CHRNA3: variants seen among roughly 807,000 people sequenced by gnomAD.
The protein encoded by CHRNA3 is cholinergic receptor nicotinic alpha 3 subunit.
CHRNA3 carries 34 observed loss-of-function variants against 41.9 expected under a neutral mutation model. The observed-to-expected ratio is 0.81, with a 90% confidence interval of 0.62 to 1.08. The LOEUF (loss-of-function observed/expected upper bound fraction) is 1.08. Among genes scored for constraint, CHRNA3 ranks in the 50% least tolerant of loss-of-function variants. The pLI is 0.00. For missense variants in CHRNA3, 542 were observed against 638.3 expected (o/e 0.85, Z 1.63); for synonymous variants, 281 against 265.2 (o/e 1.06, Z -0.58).
chr15:78,593,061 A>G, downstream of CHRNA3: 2 of 1,594,116 alleles, frequency 1.3e-6, no homozygotes, highest in Non-Finnish European at 1.7e-6. Flanking sequence ...ATTTACAATT[A>G]TTTAATGCAT....
At position 78,596,153 on chromosome 15, in the gene CHRNA3, A is replaced by G; in HGVS notation, c.*451T>C. ...AGTAAAGAACGAGAAATGCATGGTA[A>G]GAAATGGGTAACGATGGGGGATTGC... On this transcript the variant is annotated 3_prime_UTR_variant, in exon 6 of 6. Coordinates refer to ENST00000326828, the MANE Select transcript of CHRNA3 (RefSeq NM_000743.5). 1 of 985,704 alleles carries G rather than the reference A, an allele frequency of 1.0e-6. No individual in the cohort carries two copies. Among genetic ancestry groups the G allele is most frequent in the South Asian group, 4.7e-5 (1 of 21,296 alleles). The allele number at this position is 985,704 out of a possible 1,614,324, so 61.1% of individuals were successfully genotyped here.
intron 5 of CHRNA3, among the ~76,000 whole-genome samples, chr15:78,598,346 C>T (rs945340993): frequency 6.6e-6 from 1 of 151,682 alleles, no homozygotes; most frequent in African/African-American, 2.4e-5. Flanking sequence ...GGGTTTTATA[C>T]ATGAATAGAA....
chr15:78,596,199 A>G lies in CHRNA3; in HGVS notation c.*405T>C. ...ATTGCTGAATTAGTATAAACCTTCA[A>G]AGAGATTATGGGCTAAATAAGAAAA... On this transcript the variant is annotated 3_prime_UTR_variant, in exon 6 of 6. Transcript: ENST00000326828. 1.0e-6 allele frequency: 1 copy of G among 986,894 alleles called. No homozygotes were observed. Among genetic ancestry groups the G allele is most frequent in the African/African-American group, 1.7e-5 (1 of 57,394 alleles). The allele number at this position is 986,894 out of a possible 1,614,324, so 61.1% of individuals were successfully genotyped here.
intron 4 of CHRNA3, among the ~76,000 whole-genome samples, chr15:78,607,271 T>C (rs2053305637): frequency 6.6e-6 from 1 of 152,000 alleles, no homozygotes; most frequent in Non-Finnish European, 1.5e-5. Context: ...CCAAGAATTT[T>C]ACACCCAGCC....
chr15:78,607,333 C>T (rs1482894623), intron 4 of CHRNA3: 3 of 152,082 alleles, frequency 2.0e-5, no homozygotes, highest in African/African-American at 7.2e-5. Context: ...ATGAACTTGC[C>T]AGAACACAGA....
At position 78,596,007 on chromosome 15, in the gene CHRNA3, G is replaced by A. The variant is rs8029939; in HGVS notation, c.*597C>T. 8.3e-3 allele frequency: 7,861 copies of A among 944,248 alleles called. 484 individuals are homozygous for A. The African/African-American group carries it at 0.13, about 15-fold the overall frequency. The allele number at this position is 944,248 out of a possible 1,614,324, so 58.5% of individuals were successfully genotyped here. The stretch of plus-strand genomic sequence containing the variant: ...TTGTTTATAATCCACCCAGTTTATG[G>A]TGTACTAAGACAGTTATATTAACAA... On this transcript the variant is annotated 3_prime_UTR_variant, in exon 6 of 6. Transcript: ENST00000326828.
At chr15:78,613,854 G>A (rs1211539456) in intron 4 of CHRNA3, among the ~76,000 whole-genome samples, 1 of 151,916 alleles carries the variant, frequency 6.6e-6, no homozygotes, top group East Asian at 1.9e-4. Flanking sequence ...GCTGAGGTAG[G>A]AGAATGGCGT....
chr15:78,599,926 T>C (rs1018926647), intron 5 of CHRNA3: 1 of 143,676 alleles, frequency 7.0e-6, no homozygotes, highest in Non-Finnish European at 1.5e-5. Flanking sequence ...CTGAGGCATG[T>C]GAATCACTTG....
intron 4 of CHRNA3, among the ~76,000 whole-genome samples, chr15:78,616,170 T>G (rs867096704): frequency 6.6e-6 from 1 of 151,518 alleles, no homozygotes; most frequent in African/African-American, 2.4e-5. Flanking sequence ...CTGGCCAACA[T>G]GGCAAAACCC....
At chr15:78,620,635 C>T (rs1469408148) in intron 1 of CHRNA3, 78 bp downstream of exon 1, 1 of 1,452,370 alleles carries the variant, frequency 6.9e-7, no homozygotes, top group Non-Finnish European at 9.0e-7. Context: ...GCGCGGTGTT[C>T]TCGCCGGCAG....
chr15:78,595,596 A>G lies in CHRNA3; in HGVS notation c.*1008T>C, dbSNP rs201030512. 6.4e-6 allele frequency: 1 copy of G among 157,400 alleles called. No homozygotes were observed. Among genetic ancestry groups the G allele is most frequent in the Non-Finnish European group, 1.4e-5 (1 of 72,832 alleles). 9.8% of individuals were successfully genotyped at this position (157,400 alleles called of 1,614,324 possible). A position where few individuals can be genotyped will look rare whatever the true frequency, so the allele number is the denominator to read the frequency against. On this transcript the variant is annotated 3_prime_UTR_variant, in exon 6 of 6. Transcript: ENST00000326828. ...CTAGGGTACTGCTAAAGATCCTACA[A>G]TGCACAGGATACCCCCATTCTGTAC...
At chr15:78,618,101 G>A (rs1269399960) in intron 3 of CHRNA3, among the ~76,000 whole-genome samples, 1 of 152,156 alleles carries the variant, frequency 6.6e-6, no homozygotes, top group Non-Finnish European at 1.5e-5. Context: ...CCAAAAATTA[G>A]CCAGACGTGG....
chr15:78,618,987 A>G, intron 1 of CHRNA3, 72 bp from the exon 2 acceptor site: 1 of 1,532,358 alleles, frequency 6.5e-7, no homozygotes, highest in Non-Finnish European at 8.9e-7. Context: ...CAGCAGAAAC[A>G]TCACCCATCT....
Position 78,601,585 on chromosome 15 carries a change from C to A in CHRNA3, c.1057G>T (p.Val353Phe). ...KTVFLNLLPR[V>F]MFMTRPTSNE... ...CTTGTTGGCCTGGTCATGAACATGA[C>A]CCTGGGGAGCAGGTTCAAGAATACA... Residue 353 changes from valine (V) to phenylalanine (F), a missense_variant, in exon 5 of 6, where the codon GTC (valine) becomes TTC (phenylalanine). Val to Phe is a conservative substitution (Grantham distance 50). Transcript: ENST00000326828. 1 of 1,614,144 alleles carries A rather than the reference C, an allele frequency of 6.2e-7. No individual in the cohort carries two copies. Among genetic ancestry groups the A allele is most frequent in the Non-Finnish European group, 8.5e-7 (1 of 1,180,048 alleles).
At chr15:78,603,172 G>A (rs912985407) in intron 4 of CHRNA3, among the ~76,000 whole-genome samples, 9 of 152,092 alleles carry the variant, frequency 5.9e-5, no homozygotes, top group Admixed American at 2.6e-4. Context: ...TACCACAAAC[G>A]CTCAGCTACT....
Position 78,596,502 on chromosome 15 carries a change from C to A in CHRNA3, c.*102G>T. The A allele has an allele frequency of 7.5e-7, 1 of 1,325,918 alleles. No individual in the cohort carries two copies. Among genetic ancestry groups the A allele is most frequent in the South Asian group, 2.7e-5 (1 of 37,524 alleles). The allele number at this position is 1,325,918 out of a possible 1,614,324, so 82.1% of individuals were successfully genotyped here. ...TAAGTAAACCTCGAAATGCCAAAAACAAAGCTGGTAGCTTGATAACAGAAA... is the reference window on the plus strand; with the variant it reads ...TAAGTAAACCTCGAAATGCCAAAAAAAAAGCTGGTAGCTTGATAACAGAAA... On this transcript the variant is annotated 3_prime_UTR_variant, in exon 6 of 6. Coordinates refer to ENST00000326828, the MANE Select transcript of CHRNA3 (RefSeq NM_000743.5).
chr15:78,620,864 T>G lies in CHRNA3; in HGVS notation c.-70A>C, dbSNP rs1309665630. ...GCGCGGCGGTCGCAGAGACGGCCTC[T>G]CCCCGCGCGGCTCCAGCGCAGACCC... is the stretch of plus-strand genomic sequence containing the variant. On this transcript the variant is annotated 5_prime_UTR_variant, in exon 1 of 6. Coordinates refer to ENST00000326828, the MANE Select transcript of CHRNA3 (RefSeq NM_000743.5). 1.5e-6 allele frequency: 2 copies of G among 1,316,532 alleles called. No homozygotes were observed. Among genetic ancestry groups the G allele is most frequent in the South Asian group, 4.3e-5 (2 of 46,114 alleles). 81.6% of individuals were successfully genotyped at this position (1,316,532 alleles called of 1,614,324 possible).
chr15:78,612,078 A>C (rs1216722909), intron 4 of CHRNA3, among the ~76,000 whole-genome samples: 7 of 152,132 alleles, frequency 4.6e-5, no homozygotes, highest in Non-Finnish European at 1.0e-4. Context: ...GATACAAACA[A>C]ATGGAAGAAC....
downstream of CHRNA3, chr15:78,593,151 T>C (rs144352852): frequency 6.3e-4 from 1,015 of 1,613,516 alleles, 23 homozygotes; most frequent in South Asian, 0.011. Flanking sequence ...TGTGGACTTT[T>C]CTTTTCGTTT....
Sources: gnomAD v4.1 joint callset for allele counts (sites outside exome capture counted in the v4.1 genomes callset) on GRCh38, gnomAD v4.1.1 for gene constraint, MANE v1.5 for transcripts, NCBI Gene and HGNC (gene_info 2026-07-23, HGNC 2026-07-21) for gene names.